Variants in BLMH observed in about 807,000 individuals in gnomAD.
BLMH encodes the protein bleomycin hydrolase.
BLMH carries 32 observed loss-of-function variants against 61.6 expected under a neutral mutation model. The observed-to-expected ratio is 0.52, with a 90% CI of 0.39 to 0.70. The LOEUF is 0.70. Ranked by LOEUF, BLMH falls within the 30% of genes least tolerant of loss-of-function variation. The pLI, the probability that BLMH is intolerant of heterozygous loss-of-function variation, is 0.00. For synonymous variants in BLMH, 183 were observed against 193.8 expected (o/e 0.94, Z 0.46); for missense variants, 460 against 555.5 (o/e 0.83, Z 1.73).
chr17:30,261,963 C>T (rs1291682376), intron 11 of BLMH, among the ~76,000 whole-genome samples: 1 of 152,064 alleles, frequency 6.6e-6, no homozygotes, highest in African/African-American at 2.4e-5. Context: ...GAGAGGCTCA[C>T]TTGTAAGAAA....
At chr17:30,260,693 A>C (rs1907933867) in intron 11 of BLMH, among the ~76,000 whole-genome samples, 1 of 152,138 alleles carries the variant, frequency 6.6e-6, no homozygotes, top group South Asian at 2.1e-4. Context: ...CAGCCTGGCC[A>C]ACAGGTGAAA....
At chr17:30,254,941 ATC>A (rs1379797114) in intron 11 of BLMH, among the ~76,000 whole-genome samples, 1 of 152,224 alleles carries the variant, frequency 6.6e-6, no homozygotes, top group Admixed American at 6.5e-5. Context: ...TTTCCAATTA[ATC>A]TCTTTCCTTA....
intron 7 of BLMH, 75 bp downstream of exon 7, chr17:30,273,966 GA>G: frequency 6.5e-7 from 1 of 1,545,128 alleles, no homozygotes; most frequent in Non-Finnish European, 8.9e-7. Context: ...TGCTAACCAA[GA>G]ATCTTATACA....
At chr17:30,267,039 A>G in intron 10 of BLMH, 85 bp from the exon 11 acceptor site, 1 of 1,313,400 alleles carries the variant, frequency 7.6e-7, no homozygotes, top group Non-Finnish European at 1.1e-6. Context: ...TTCTGTAGCC[A>G]CTTGAAAGAA....
At chr17:30,278,169 G>A (rs1157949026) in intron 6 of BLMH, among the ~76,000 whole-genome samples, 1 of 151,870 alleles carries the variant, frequency 6.6e-6, no homozygotes, top group African/African-American at 2.4e-5. Flanking sequence ...TTCTTGATAA[G>A]AGACTCTGCA....
At chr17:30,283,314 T>C (rs1908640174) in intron 6 of BLMH, among the ~76,000 whole-genome samples, 1 of 152,170 alleles carries the variant, frequency 6.6e-6, no homozygotes, top group African/African-American at 2.4e-5. Flanking sequence ...GAAAAAAATA[T>C]GTGAAACATA....
rs754629259 is a variant in BLMH at position 30,272,749 on chromosome 17, C to T, written c.952G>A (p.Asp318Asn). Residue 318 changes from aspartate (D) to asparagine (N), a missense_variant, in exon 8 of 12, where the codon GAT (aspartate) becomes AAT (asparagine). Physicochemically the swap from Asp to Asn is conservative, Grantham distance 23. This residue lies in a region of BLMH where 310 missense variants were observed against 371.1 expected (regional missense o/e 0.84). Coordinates refer to ENST00000261714, the MANE Select transcript of BLMH (RefSeq NM_000386.4). ...ACAGAAACAATACCAACCTCTCCAT[C>T]TTTGATGGAGGCAGCAACCATCTTT... is the stretch of plus-strand genomic sequence containing the variant. The part of the protein sequence containing the change: ...LKKMVAASIK[D>N]GEAVWFGCDV... 1 of 1,614,192 alleles carries T rather than the reference C, an allele frequency of 6.2e-7. No individual in the cohort carries two copies. Among genetic ancestry groups the T allele is most frequent in the South Asian group, 1.1e-5 (1 of 91,082 alleles).
intron 11 of BLMH, among the ~76,000 whole-genome samples, chr17:30,252,650 G>T (rs1232037346): frequency 6.6e-6 from 1 of 152,006 alleles, no homozygotes; most frequent in Non-Finnish European, 1.5e-5. Flanking sequence ...CCCTGTCTTG[G>T]GGGTGGGAAT....
At chr17:30,267,494 A>G (rs1473882318) in intron 10 of BLMH, among the ~76,000 whole-genome samples, 1 of 152,224 alleles carries the variant, frequency 6.6e-6, no homozygotes, top group Non-Finnish European at 1.5e-5. Flanking sequence ...TCCCAAATGC[A>G]TTCTTTTACT....
At position 30,289,320 on chromosome 17, in the gene BLMH, C is replaced by T. The variant is rs546908026; in HGVS notation, c.321+53G>A. 1.6e-5 allele frequency: 19 copies of T among 1,181,290 alleles called. No homozygotes were observed. In the African/African-American group the frequency reaches 2.3e-4, roughly 15 times the overall value. 73.2% of individuals were successfully genotyped at this position (1,181,290 alleles called of 1,614,324 possible). ...AAAAGCTACAAAAGAAGAGGCAGTC[C>T]CTACCAAGGCTGATATCAATACAAA... On this transcript the variant is annotated intron_variant, in intron 3 of 11. Transcript: ENST00000261714.
intron 11 of BLMH, among the ~76,000 whole-genome samples, chr17:30,256,750 G>C (rs571680017): frequency 6.6e-6 from 1 of 150,970 alleles, no homozygotes; most frequent in East Asian, 1.9e-4. Flanking sequence ...AAAAAAGAAG[G>C]ATAAGTGAGA....
intron 11 of BLMH, among the ~76,000 whole-genome samples, chr17:30,256,735 C>CA (rs925908519): frequency 4.8e-4 from 63 of 130,846 alleles, no homozygotes; most frequent in Middle Eastern, 3.8e-3. Flanking sequence ...AAAAAAAAAA[C>CA]AAAAAAAAAA....
intron 1 of BLMH, 134 bp downstream of exon 1, chr17:30,291,673 C>G: frequency 7.3e-7 from 1 of 1,370,006 alleles, no homozygotes; most frequent in Admixed American, 2.7e-5. Flanking sequence ...CCCTCCAGGC[C>G]GATCCAGCCT....
At chr17:30,250,038 C>A (rs1320140948) in intron 11 of BLMH, 1 of 152,196 alleles carries the variant, frequency 6.6e-6, no homozygotes, top group African/African-American at 2.4e-5. Context: ...ACAAATTCCC[C>A]TTCAGAAACC....
intron 9 of BLMH, among the ~76,000 whole-genome samples, chr17:30,272,044 T>C (rs1357589131): frequency 6.6e-6 from 1 of 152,318 alleles, no homozygotes; most frequent in East Asian, 1.9e-4. Flanking sequence ...TATTTATAAG[T>C]AACCCTAAAA....
chr17:30,274,214 G>A lies in BLMH; in HGVS notation c.646-17C>T. The A allele has an allele frequency of 6.2e-7, 1 of 1,611,056 alleles. No homozygotes were observed. The highest frequency in any genetic ancestry group is 8.5e-7 in the Non-Finnish European group (1 of 1,178,966). On this transcript the variant is annotated splice_polypyrimidine_tract_variant and intron_variant, in intron 6 of 11. Transcript: ENST00000261714. ...TCGGAATATCTGGAAGAGAGGAGGA[G>A]GAAAGGCGAGCAATGGTTAGGGGGA...
rs79395111 is a variant in BLMH at position 30,283,896 on chromosome 17, C to T, written c.645+1492G>A. ...GCCTCTGCAAGACAGTCATTCCAAG[C>T]AAGAAGGGAAGAAGTAACATTTACA... On this transcript the variant is annotated intron_variant, in intron 6 of 11. Coordinates refer to ENST00000261714, the MANE Select transcript of BLMH (RefSeq NM_000386.4). 6.2e-3 allele frequency among the ~76,000 whole-genome samples: 941 copies of T among 152,208 alleles called. 71 individuals are homozygous for T. In the East Asian group the frequency reaches 0.15, roughly 24 times the overall value.
chr17:30,280,678 G>C (rs1908561983), intron 6 of BLMH, among the ~76,000 whole-genome samples: 1 of 151,966 alleles, frequency 6.6e-6, no homozygotes, highest in Admixed American at 6.6e-5. Context: ...GGGTCTCTCT[G>C]TGTTGGCCAG....
chr17:30,269,886 A>G (rs1908219126), intron 10 of BLMH, among the ~76,000 whole-genome samples: 1 of 152,218 alleles, frequency 6.6e-6, no homozygotes, highest in African/African-American at 2.4e-5. Flanking sequence ...GAGTTCTACT[A>G]CTTAAAGCAC....
Sources: allele counts gnomAD v4.1 joint callset (sites outside exome capture counted in the v4.1 genomes callset), GRCh38; gene constraint gnomAD v4.1.1; regional missense constraint gnomAD v4.1.1; transcripts MANE v1.5; gene names NCBI Gene and HGNC (gene_info 2026-07-23, HGNC 2026-07-21).